Variants in CACNB4 observed in about 807,000 individuals in gnomAD.
CACNB4 encodes the protein voltage-dependent L-type calcium channel subunit beta-4.
Under a neutral mutation model 71.2 loss-of-function variants are expected in CACNB4, and 32 were observed. The observed-to-expected ratio is 0.45, with a 90% CI of 0.34 to 0.60. CACNB4 has a LOEUF of 0.60. CACNB4 is among the 20% of genes least tolerant of loss of function. CACNB4 has a pLI of 0.01. For synonymous variants in CACNB4, 231 were observed against 236.9 expected, an observed-to-expected ratio of 0.97 and a Z score of 0.23; for missense variants, 464 against 647.9, an observed-to-expected ratio of 0.72 and a Z score of 3.08.
chr2:152,040,226 A>G (rs1450855696), intron 2 of CACNB4, among the ~76,000 whole-genome samples: 1 of 152,216 alleles, frequency 6.6e-6, no homozygotes, highest in East Asian at 1.9e-4. Context: ...CTGAAGGCTC[A>G]TGATTCTCCT....
At chr2:152,022,277 G>A (rs928996326) in intron 2 of CACNB4, among the ~76,000 whole-genome samples, 3 of 152,150 alleles carry the variant, frequency 2.0e-5, no homozygotes, top group African/African-American at 7.2e-5. Flanking sequence ...ATTATACCAT[G>A]AGTGAAGGAC....
At chr2:152,020,323 T>C (rs560066785) in intron 2 of CACNB4, among the ~76,000 whole-genome samples, 198 of 152,350 alleles carry the variant, frequency 1.3e-3, no homozygotes, top group South Asian at 2.7e-3. Flanking sequence ...ATTTCTCCCA[T>C]TAATGGCTCC....
At position 152,013,375 on chromosome 2, in the gene CACNB4, T is replaced by A. The variant is rs540651959; in HGVS notation, c.147+84955A>T. On this transcript the variant is annotated intron_variant, in intron 2 of 13. Transcript: ENST00000539935. The stretch of plus-strand genomic sequence containing the variant: ...CTAATTCACACCAAACATACAGAAG[T>A]CTTTGTCAGCACTTCAAGGATATCA... Among the ~76,000 whole-genome samples the A allele has an allele frequency of 3.3e-5, 5 of 152,186 alleles. No individual in the cohort carries two copies. In the South Asian group the frequency reaches 1.0e-3, roughly 32 times the overall value.
rs1292505904 is a variant in CACNB4, at chr2:151,977,522, A to G, written c.148-94152T>C. Among the ~76,000 whole-genome samples, 3 of 152,344 alleles carry G rather than the reference A, an allele frequency of 2.0e-5. No homozygotes were observed. In the East Asian group the frequency reaches 5.8e-4, roughly 29 times the overall value. ...CCTTACCCGTGCTGGGCTTTATCAT[A>G]GAGTGAACCCATGAAATTGACAGTA... On this transcript the variant is annotated intron_variant, in intron 2 of 13. Transcript: ENST00000539935.
intron 2 of CACNB4, among the ~76,000 whole-genome samples, chr2:151,914,636 C>A (rs1002073697): frequency 6.6e-6 from 1 of 152,158 alleles, no homozygotes; most frequent in African/African-American, 2.4e-5. Flanking sequence ...AGGCTGCTGA[C>A]CCTTGGATGG....
chr2:152,076,536 T>G (rs965491771), intron 2 of CACNB4, among the ~76,000 whole-genome samples: 1 of 152,156 alleles, frequency 6.6e-6, no homozygotes, highest in Non-Finnish European at 1.5e-5. Flanking sequence ...CATGGACATC[T>G]CTTTACATAG....
At chr2:152,031,026 G>A (rs571871478) in intron 2 of CACNB4, among the ~76,000 whole-genome samples, 1 of 152,250 alleles carries the variant, frequency 6.6e-6, no homozygotes, top group Admixed American at 6.5e-5. Context: ...CAGGAGAAAG[G>A]GTACTTGGGG....
chr2:151,957,841 G>T lies in CACNB4; in HGVS notation c.148-74471C>A, dbSNP rs147693036. Reference sequence around the variant, plus strand: ...TGGTTTGCAGTGATTATGAGGCCTGGTGTAAATAACTAAACCAGCATTTCC... The same window carrying T: ...TGGTTTGCAGTGATTATGAGGCCTGTTGTAAATAACTAAACCAGCATTTCC... On this transcript the variant is annotated intron_variant, in intron 2 of 13. Transcript: ENST00000539935. Among the ~76,000 whole-genome samples the T allele has an allele frequency of 4.2e-3, 641 of 152,280 alleles. 3 individuals carry two copies. Among genetic ancestry groups the T allele is most frequent in the Middle Eastern group, 0.02 (6 of 294 alleles).
chr2:152,069,837 C>CTTT (rs70974819), intron 2 of CACNB4, among the ~76,000 whole-genome samples: 28 of 98,698 alleles, frequency 2.8e-4, no homozygotes, highest in Non-Finnish European at 4.5e-4. Flanking sequence ...CTTCATCAAT[C>CTTT]TTTTTTTTTT....
At chr2:151,854,903 A>G (rs1010342281) in intron 11 of CACNB4, 4 of 194,652 alleles carry the variant, frequency 2.1e-5, no homozygotes, top group Non-Finnish European at 3.1e-5. Flanking sequence ...AACAGGATCC[A>G]AGAAATTTAC....
At chr2:151,893,630 T>C (rs1032672837) in intron 2 of CACNB4, among the ~76,000 whole-genome samples, 1 of 152,096 alleles carries the variant, frequency 6.6e-6, no homozygotes, top group African/African-American at 2.4e-5. Flanking sequence ...AAGATATATA[T>C]GTATATAAAC....
chr2:152,055,844 C>G lies in CACNB4; in HGVS notation c.147+42486G>C, dbSNP rs144600195. Reference sequence around the variant, plus strand: ...CTACTAAGGAGGAAGGAGACAGAAACTGGGCAAAGTGTGACAAAGAGCAGT... The same window carrying G: ...CTACTAAGGAGGAAGGAGACAGAAAGTGGGCAAAGTGTGACAAAGAGCAGT... On this transcript the variant is annotated intron_variant, in intron 2 of 13. Coordinates refer to ENST00000539935, the MANE Select transcript of CACNB4 (RefSeq NM_000726.5). Among the ~76,000 whole-genome samples the G allele has an allele frequency of 4.1e-3, 629 of 152,172 alleles. 7 individuals carry two copies. Among genetic ancestry groups the G allele is most frequent in the African/African-American group, 0.015 (612 of 41,532 alleles).
chr2:152,033,062 G>A (rs1305079614), intron 2 of CACNB4, among the ~76,000 whole-genome samples: 1 of 152,256 alleles, frequency 6.6e-6, no homozygotes, highest in East Asian at 1.9e-4. Context: ...GTGGCAGCCA[G>A]GCAAGGCCCT....
At chr2:151,930,561 T>C (rs2151600848) in intron 2 of CACNB4, among the ~76,000 whole-genome samples, 1 of 152,270 alleles carries the variant, frequency 6.6e-6, no homozygotes, top group South Asian at 2.1e-4. Context: ...TGCAAAGCAC[T>C]GAGAACTGCA....
chr2:152,095,862 A>G (rs992941133), intron 2 of CACNB4, among the ~76,000 whole-genome samples: 5 of 152,128 alleles, frequency 3.3e-5, no homozygotes, highest in African/African-American at 1.2e-4. Context: ...CCATGCTACC[A>G]GGCTGGTTTG....
At chr2:151,994,517 C>CT (rs1338990147) in intron 2 of CACNB4, among the ~76,000 whole-genome samples, 4 of 142,174 alleles carry the variant, frequency 2.8e-5, no homozygotes, top group African/African-American at 1.1e-4. Context: ...AAAGGGTCCC[C>CT]CCTTTTTTTT....
At chr2:152,076,409 G>C (rs71415199) in intron 2 of CACNB4, among the ~76,000 whole-genome samples, 2 of 147,726 alleles carry the variant, frequency 1.4e-5, no homozygotes, top group Non-Finnish European at 3.0e-5. Flanking sequence ...TGATCCACCC[G>C]CCTCGGCCTC....
chr2:152,014,786 AG>A (rs1315114104), intron 2 of CACNB4, among the ~76,000 whole-genome samples: 3 of 152,192 alleles, frequency 2.0e-5, no homozygotes, highest in African/African-American at 7.2e-5. Flanking sequence ...CTTAAAAAAA[AG>A]TCTTGTTGGC....
intron 2 of CACNB4, among the ~76,000 whole-genome samples, chr2:152,092,406 T>C (rs1382876748): frequency 6.6e-6 from 1 of 152,244 alleles, no homozygotes; most frequent in African/African-American, 2.4e-5. Context: ...TGTTTTATTC[T>C]AGTATCAACC....
Sources: gnomAD v4.1 joint callset for allele counts (sites outside exome capture counted in the v4.1 genomes callset) on GRCh38, gnomAD v4.1.1 for gene constraint, MANE v1.5 for transcripts, NCBI Gene and HGNC (gene_info 2026-07-23, HGNC 2026-07-21) for gene names.